The following KIDINS220 variants were observed in gnomAD, a reference collection of about 807,000 sequenced individuals.
KIDINS220 encodes the protein kinase D interacting substrate 220.
In KIDINS220, 63 loss-of-function variants were observed where a neutral mutation model predicts 157.6. The observed-to-expected ratio is 0.40, with a 90% confidence interval of 0.33 to 0.49. The LOEUF (loss-of-function observed/expected upper bound fraction) is 0.49. KIDINS220 is among the 20% of genes least tolerant of loss of function. The probability of loss-of-function intolerance (pLI) is 0.66; values close to 1 mark genes in which losing one functional copy is unlikely to be tolerated. For synonymous variants in KIDINS220, 732 were observed against 783.6 expected (o/e 0.93, Z 1.10); for missense variants, 1,772 against 2,171.2 (o/e 0.82, Z 3.65).
Position 8,730,399 on chromosome 2 carries a change from T to G in KIDINS220, c.*321A>C. 9.1e-7 allele frequency: 1 copy of G among 1,099,970 alleles called. No homozygotes were observed. The allele number at this position is 1,099,970 out of a possible 1,614,324, so 68.1% of individuals were successfully genotyped here. A position where few individuals can be genotyped will look rare whatever the true frequency, so the allele number is the denominator to read the frequency against. ...TTTTTCTTTTTGGCACATTAAGCCC[T>G]TTAAAATACTTCTGACCTATCTTTA... On this transcript the variant is annotated 3_prime_UTR_variant, in exon 30 of 30. Transcript: ENST00000256707.
At chr2:8,803,978 C>T (rs997549815) in intron 7 of KIDINS220, among the ~76,000 whole-genome samples, 1 of 152,114 alleles carries the variant, frequency 6.6e-6, no homozygotes, top group African/African-American at 2.4e-5. Context: ...TGGGTCAGCC[C>T]CCAAAATTGA....
chr2:8,833,906 C>T (rs1006297539), intron 1 of KIDINS220, among the ~76,000 whole-genome samples: 4 of 152,170 alleles, frequency 2.6e-5, no homozygotes, highest in Admixed American at 2.0e-4. Context: ...AAAGGCCAAT[C>T]GGTTAATAGA....
chr2:8,749,346 G>A (rs546092722), intron 24 of KIDINS220: 49 of 449,738 alleles, frequency 1.1e-4, no homozygotes, highest in Non-Finnish European at 1.9e-4. Flanking sequence ...GAGGGAGATA[G>A]CAAAAATAAG....
chr2:8,739,435 A>C (rs1475933577), intron 26 of KIDINS220, among the ~76,000 whole-genome samples: 1 of 152,200 alleles, frequency 6.6e-6, no homozygotes, highest in Non-Finnish European at 1.5e-5. Flanking sequence ...AATAAAGAAG[A>C]AATGGTAATT....
intron 22 of KIDINS220, among the ~76,000 whole-genome samples, chr2:8,766,166 C>G (rs1669456715): frequency 6.6e-6 from 1 of 151,118 alleles, no homozygotes; most frequent in East Asian, 2.0e-4. Context: ...GTCCATGAAC[C>G]CCACTGGTGA....
chr2:8,806,425 T>C (rs1572733886), intron 6 of KIDINS220, 56 bp from the exon 7 acceptor site: 2 of 1,068,324 alleles, frequency 1.9e-6, no homozygotes, highest in East Asian at 5.2e-5. Context: ...TCAAAGAAAC[T>C]AGCTCTTAAC....
chr2:8,825,346 C>G (rs1462262908), intron 2 of KIDINS220, among the ~76,000 whole-genome samples: 1 of 121,154 alleles, frequency 8.3e-6, no homozygotes, highest in African/African-American at 3.1e-5. Context: ...TCACACCAAC[C>G]TGGGTGACAG....
downstream of KIDINS220, chr2:8,724,933 A>G (rs1056384996): frequency 6.6e-6 from 1 of 152,250 alleles, no homozygotes; most frequent in East Asian, 1.9e-4. The surrounding 1 kb of genome is among the most constrained non-coding windows in gnomAD (Gnocchi z 4.6). Flanking sequence ...CACCTGGCCA[A>G]CAAGTATTTA....
chr2:8,806,081 A>G (rs1675404071), intron 7 of KIDINS220, among the ~76,000 whole-genome samples, 190 bp downstream of exon 7: 1 of 152,154 alleles, frequency 6.6e-6, no homozygotes, highest in Non-Finnish European at 1.5e-5. Flanking sequence ...AGATCCTTAA[A>G]AGCATCTATT....
intron 28 of KIDINS220, among the ~76,000 whole-genome samples, 157 bp downstream of exon 28, chr2:8,734,497 CA>C (rs1664597000): frequency 1.3e-5 from 2 of 152,082 alleles, no homozygotes; most frequent in African/African-American, 4.8e-5. Context: ...CAGGATTGCA[CA>C]TAAGTGTAAG....
intron 26 of KIDINS220, among the ~76,000 whole-genome samples, chr2:8,745,162 TCATTAAGGC>T (rs1241346637): frequency 7.2e-5 from 11 of 152,236 alleles, no homozygotes; most frequent in Non-Finnish European, 1.3e-4. Context: ...CATGTCTGTG[TCATTAAGGC>T]CATTAACTTC....
chr2:8,818,511 C>G (rs1017715709), intron 3 of KIDINS220, among the ~76,000 whole-genome samples, 184 bp downstream of exon 3: 3 of 152,032 alleles, frequency 2.0e-5, no homozygotes, highest in African/African-American at 7.2e-5. Context: ...GAGCTGAGAT[C>G]CTTCATTGAA....
intron 17 of KIDINS220, among the ~76,000 whole-genome samples, chr2:8,784,841 A>G: frequency 6.6e-6 from 1 of 152,220 alleles, no homozygotes; most frequent in East Asian, 1.9e-4. Flanking sequence ...ACCTCAGAAC[A>G]GTCTGGTTGT....
intron 6 of KIDINS220, among the ~76,000 whole-genome samples, chr2:8,808,574 G>A (rs1675842032): frequency 6.6e-6 from 1 of 152,160 alleles, no homozygotes; most frequent in Non-Finnish European, 1.5e-5. Context: ...CACCTTGCAT[G>A]CTGTCTGCTT....
intron 2 of KIDINS220, among the ~76,000 whole-genome samples, chr2:8,825,173 A>G (rs1678564798): frequency 6.6e-6 from 1 of 152,048 alleles, no homozygotes; most frequent in African/African-American, 2.4e-5. Flanking sequence ...GGAGTTCGAG[A>G]CCAGCCTGAC....
chr2:8,790,445 AACTACATATCACCACCATTC>A (rs1221085576), intron 13 of KIDINS220, among the ~76,000 whole-genome samples: 8 of 152,162 alleles, frequency 5.3e-5, no homozygotes, highest in Non-Finnish European at 1.2e-4. Flanking sequence ...TATATCTTCA[AACTACATATCACCACCATTC>A]CACTGTGATC....
At chr2:8,796,413 A>G (rs1673929750) in intron 11 of KIDINS220, among the ~76,000 whole-genome samples, 1 of 152,116 alleles carries the variant, frequency 6.6e-6, no homozygotes, top group African/African-American at 2.4e-5. Flanking sequence ...GAACATTAAC[A>G]CCGTCTGCTC....
rs774738474 is a variant in KIDINS220 at position 8,733,534 on chromosome 2, C to T, written c.3963G>A (p.Gln1321=). Residue 1321 remains glutamine (Q), a synonymous_variant, in exon 29 of 30, where the codon CAG becomes CAA. Coordinates refer to ENST00000256707, the MANE Select transcript of KIDINS220 (RefSeq NM_020738.4). ...AGCTGAAGTTGAGTGTGTAGGGCGT[C>T]TGGCTGGAGAGCTCGGTGTGAGGCA... ...NELPHTELSS[Q]TPYTLNFSFE... is the part of the protein sequence containing the mutation. The T allele has an allele frequency of 6.2e-7, 1 of 1,614,132 alleles. No individual in the cohort carries two copies. Among genetic ancestry groups the T allele is most frequent in the Non-Finnish European group, 8.5e-7 (1 of 1,180,024 alleles).
chr2:8,730,816 T>C lies in KIDINS220; in HGVS notation c.5220A>G (p.Ser1740=), dbSNP rs761325162. Residue 1740 remains serine, a synonymous_variant, in exon 30 of 30, where the codon TCA becomes TCG. Coordinates refer to ENST00000256707, the MANE Select transcript of KIDINS220 (RefSeq NM_020738.4). The part of the protein sequence containing the change: ...KSMTHKRSQR[S]SYTRLSKDPP... ...GATCTTTGGAGAGCCTTGTGTAACT[T>C]GAACGTTGGCTTCGCTTATGTGTCA... 17 of 1,614,154 alleles carry C rather than the reference T, an allele frequency of 1.1e-5. No homozygotes were observed. The highest frequency in any genetic ancestry group is 1.3e-5 in the Non-Finnish European group (15 of 1,180,052).
Sources: gnomAD v4.1 joint callset for allele counts (sites outside exome capture counted in the v4.1 genomes callset) on GRCh38, gnomAD v4.1.1 for gene constraint, Gnocchi (gnomAD v3.1) non-coding constraint, MANE v1.5 for transcripts, NCBI Gene and HGNC (gene_info 2026-07-23, HGNC 2026-07-21) for gene names.